The following CPQ variants were observed in gnomAD, a reference collection of about 807,000 sequenced individuals.
CPQ encodes the protein Ser-Met dipeptidase.
A neutral mutation model predicts 45.7 loss-of-function variants in CPQ; 37 were observed. That is an observed-to-expected ratio of 0.81 (90% CI 0.62 to 1.07). CPQ has a LOEUF of 1.07. Among genes scored for constraint, CPQ ranks in the 50% least tolerant of loss-of-function variants. The pLI is 0.00. For synonymous variants in CPQ, 186 were observed against 205.8 expected (o/e 0.90, Z 0.82); for missense variants, 537 against 572.9 (o/e 0.94, Z 0.64).
intron 7 of CPQ, among the ~76,000 whole-genome samples, chr8:97,112,178 A>G (rs1237914622): frequency 6.7e-6 from 1 of 148,640 alleles, no homozygotes; most frequent in Admixed American, 6.7e-5. Context: ...TTTTTTGCTA[A>G]GACACTGTGG....
intron 1 of CPQ, among the ~76,000 whole-genome samples, chr8:96,783,578 G>A (rs561511639): frequency 6.6e-6 from 1 of 152,164 alleles, no homozygotes; most frequent in Admixed American, 6.6e-5. Flanking sequence ...CGTCACAAGC[G>A]CAATTACATT....
At chr8:96,788,243 C>T (rs1345562965) in intron 2 of CPQ, among the ~76,000 whole-genome samples, 1 of 151,720 alleles carries the variant, frequency 6.6e-6, no homozygotes. Context: ...ACTGCAACCT[C>T]CATTTCCCCA....
At chr8:96,859,509 G>A (rs577476134) in intron 3 of CPQ, among the ~76,000 whole-genome samples, 22 of 152,128 alleles carry the variant, frequency 1.4e-4, no homozygotes, top group Non-Finnish European at 2.8e-4. Context: ...TCTCTAGAAT[G>A]AGCCAGCTTA....
At chr8:96,703,247 G>T (rs533866151) in intron 1 of CPQ, among the ~76,000 whole-genome samples, 3 of 152,092 alleles carry the variant, frequency 2.0e-5, no homozygotes, top group Non-Finnish European at 4.4e-5. Context: ...TTTTGGCAAA[G>T]ATTATAATAA....
chr8:96,875,464 G>T (rs1331234451), intron 3 of CPQ, among the ~76,000 whole-genome samples: 2 of 151,980 alleles, frequency 1.3e-5, no homozygotes, highest in African/African-American at 4.8e-5. Context: ...TTTTGAAATT[G>T]TTTTGTCTAT....
chr8:96,715,841 C>T (rs562792041), intron 1 of CPQ, among the ~76,000 whole-genome samples: 50 of 152,272 alleles, frequency 3.3e-4, no homozygotes, highest in African/African-American at 1.1e-3. Context: ...TGATGCTGCT[C>T]CTCTTAGTTT....
intron 1 of CPQ, among the ~76,000 whole-genome samples, chr8:96,736,351 T>C (rs1809982496): frequency 6.6e-6 from 1 of 152,232 alleles, no homozygotes; most frequent in African/African-American, 2.4e-5. Flanking sequence ...TGGCTGAAGA[T>C]GGCATGCTTT....
chr8:96,829,692 G>A (rs1337313051), intron 2 of CPQ, among the ~76,000 whole-genome samples: 1 of 151,876 alleles, frequency 6.6e-6, no homozygotes, highest in East Asian at 1.9e-4. Flanking sequence ...TTCTTTATAG[G>A]AAACTTCCTA....
chr8:96,744,493 G>GGTC (rs1156331476), intron 1 of CPQ, among the ~76,000 whole-genome samples: 1 of 152,164 alleles, frequency 6.6e-6, no homozygotes, highest in Non-Finnish European at 1.5e-5. Flanking sequence ...GGCCATCTTG[G>GGTC]CTCCTCCTCC....
At chr8:97,026,722 G>A (rs1809805579) in intron 5 of CPQ, among the ~76,000 whole-genome samples, 1 of 152,302 alleles carries the variant, frequency 6.6e-6, no homozygotes, top group East Asian at 1.9e-4. Flanking sequence ...GGCCAGCTGT[G>A]CACCAACTAT....
intron 1 of CPQ, among the ~76,000 whole-genome samples, chr8:96,783,899 T>C (rs1810723180): frequency 6.6e-6 from 1 of 152,192 alleles, no homozygotes; most frequent in Non-Finnish European, 1.5e-5. Flanking sequence ...TGTATTTACC[T>C]ATTGTGCATT....
At chr8:96,730,593 A>G (rs977780760) in intron 1 of CPQ, among the ~76,000 whole-genome samples, 1 of 151,970 alleles carries the variant, frequency 6.6e-6, no homozygotes. Flanking sequence ...CAGTGGGCCT[A>G]TAAAATCTTT....
At chr8:97,109,838 T>G (rs919373411) in intron 7 of CPQ, among the ~76,000 whole-genome samples, 3 of 152,060 alleles carry the variant, frequency 2.0e-5, no homozygotes, top group Admixed American at 1.3e-4. Context: ...CCAATGCACA[T>G]CCCCAGCTCC....
intron 4 of CPQ, among the ~76,000 whole-genome samples, chr8:96,949,487 T>A (rs1813231852): frequency 6.6e-6 from 1 of 152,072 alleles, no homozygotes; most frequent in Admixed American, 6.6e-5. Context: ...GGTTTTATTA[T>A]GTTCTATCAG....
At chr8:96,762,013 T>C (rs1810411673) in intron 1 of CPQ, among the ~76,000 whole-genome samples, 2 of 152,228 alleles carry the variant, frequency 1.3e-5, no homozygotes, top group African/African-American at 4.8e-5. Context: ...AGTATGTGTG[T>C]CTGGCATGGG....
intron 4 of CPQ, among the ~76,000 whole-genome samples, chr8:96,929,003 T>A (rs1466466995): frequency 6.6e-6 from 1 of 152,198 alleles, no homozygotes; most frequent in Non-Finnish European, 1.5e-5. Context: ...AATTATAATT[T>A]ATTCCCAATG....
chr8:96,764,482 T>G (rs1810443131), intron 1 of CPQ, among the ~76,000 whole-genome samples: 1 of 152,216 alleles, frequency 6.6e-6, no homozygotes, highest in Non-Finnish European at 1.5e-5. Flanking sequence ...TGTTCATTAT[T>G]TTAACTGTGA....
chr8:96,800,966 T>A (rs537448008), intron 2 of CPQ, among the ~76,000 whole-genome samples: 1 of 142,862 alleles, frequency 7.0e-6, no homozygotes. Flanking sequence ...AACTGAACAC[T>A]CTGAATTTGA....
intron 3 of CPQ, among the ~76,000 whole-genome samples, chr8:96,847,276 GA>G (rs1811707783): frequency 6.6e-6 from 1 of 152,152 alleles, no homozygotes; most frequent in East Asian, 1.9e-4. Flanking sequence ...ATCCGTTGAT[GA>G]CCCCTGCCTG....
Sources: allele counts gnomAD v4.1 joint callset (sites outside exome capture counted in the v4.1 genomes callset), GRCh38; gene constraint gnomAD v4.1.1; transcripts MANE v1.5; gene names NCBI Gene and HGNC (gene_info 2026-07-23, HGNC 2026-07-21).